Variants in SLC8A1 observed in about 807,000 individuals in gnomAD.
SLC8A1 encodes sodium/calcium exchanger 1.
In SLC8A1, 18 loss-of-function variants were observed where a neutral mutation model predicts 68.3. The ratio of observed to expected loss-of-function variants is 0.26; its 90% CI spans 0.18 to 0.39. The LOEUF is 0.39. Among genes scored for constraint, SLC8A1 ranks in the 10% least tolerant of loss-of-function variants. The pLI is 1.00. For missense variants in SLC8A1, 985 were observed against 1,156.7 expected, an observed-to-expected ratio of 0.85 and a Z score of 2.15; for synonymous variants, 475 against 415.5, an observed-to-expected ratio of 1.14 and a Z score of -1.74.
At chr2:40,139,354 A>T (rs1558496153) in intron 7 of SLC8A1, 47 bp downstream of exon 10, 1 of 1,601,630 alleles carries the variant, frequency 6.2e-7, no homozygotes, top group Admixed American at 1.7e-5. Context: ...CAAGAAGGCA[A>T]ATGAACTTCT....
rs537606589 is a variant in SLC8A1 at position 40,253,176 on chromosome 2, A to T, written c.1809-75321T>A. Among the ~76,000 whole-genome samples, 7 of 142,688 alleles carry T rather than the reference A, an allele frequency of 4.9e-5. No individual in the cohort carries two copies. The East Asian group carries it at 1.2e-3, about 24-fold the overall frequency. 93.6% of individuals were successfully genotyped at this position (142,688 alleles called of 152,430 possible). A position where few individuals can be genotyped will look rare whatever the true frequency, so the allele number is the denominator to read the frequency against. On this transcript the variant is annotated intron_variant, in intron 2 of 7. Coordinates refer to ENST00000406785, the Ensembl canonical transcript of SLC8A1. ...ATACATATATATGTATATACACACA[A>T]ATATACATATATACACGTATATGTA...
chr2:40,282,575 C>T (rs555045536), intron 2 of SLC8A1, among the ~76,000 whole-genome samples: 1 of 152,136 alleles, frequency 6.6e-6, no homozygotes, highest in African/African-American at 2.4e-5. Context: ...ATTTCCTTTC[C>T]GTTAACTGCA....
intron 2 of SLC8A1, among the ~76,000 whole-genome samples, chr2:40,266,705 A>G (rs578142726): frequency 6.6e-6 from 1 of 152,290 alleles, no homozygotes; most frequent in African/African-American, 2.4e-5. Flanking sequence ...TTCTCCATGG[A>G]TCATTGCTCA....
At chr2:40,471,920 A>G (rs901968718) in intron 1 of SLC8A1, among the ~76,000 whole-genome samples, 12 of 152,170 alleles carry the variant, frequency 7.9e-5, no homozygotes, top group African/African-American at 2.9e-4. Context: ...TCCAGCTACA[A>G]TGCATCATCT....
intron 2 of SLC8A1, among the ~76,000 whole-genome samples, chr2:40,360,450 T>C (rs1027238643): frequency 1.3e-5 from 2 of 152,204 alleles, no homozygotes; most frequent in African/African-American, 4.8e-5. Flanking sequence ...GAGCCCTTTA[T>C]CTGTGACAGG....
chr2:40,295,681 G>A (rs948727042), intron 2 of SLC8A1, among the ~76,000 whole-genome samples: 1 of 152,138 alleles, frequency 6.6e-6, no homozygotes, highest in Non-Finnish European at 1.5e-5. Context: ...GAATCATGAA[G>A]TATTGACGCT....
rs1279473365 is a variant in SLC8A1 at position 40,201,252 on chromosome 2, T to G, written c.1809-23397A>C. ...GTCTTATGATTTTCTGTTTTTCAATTTCTTATGTTTTCAATTTCTTGTGAC... is the reference window on the plus strand; with the variant it reads ...GTCTTATGATTTTCTGTTTTTCAATGTCTTATGTTTTCAATTTCTTGTGAC... On this transcript the variant is annotated intron_variant, in intron 2 of 7. Transcript: ENST00000406785. 1.3e-5 allele frequency among the ~76,000 whole-genome samples: 2 copies of G among 151,928 alleles called. 1 individual carries two copies. Among genetic ancestry groups the G allele is most frequent in the East Asian group, 3.9e-4 (2 of 5,168 alleles).
chr2:40,183,018 G>T (rs1205231821), intron 2 of SLC8A1, among the ~76,000 whole-genome samples: 1 of 152,098 alleles, frequency 6.6e-6, no homozygotes, highest in Non-Finnish European at 1.5e-5. Flanking sequence ...GTCTTTTAAG[G>T]TTTACCCTCT....
At chr2:40,155,312 G>T (rs147396890) in intron 6 of SLC8A1, among the ~76,000 whole-genome samples, 2,339 of 152,096 alleles carry the variant, frequency 0.015, 28 homozygotes, top group Non-Finnish European at 0.022. Context: ...TGTATTTTAA[G>T]TAGAGAGGTG....
intron 2 of SLC8A1, among the ~76,000 whole-genome samples, chr2:40,245,247 T>C (rs1458524825): frequency 6.6e-6 from 1 of 152,210 alleles, no homozygotes; most frequent in Non-Finnish European, 1.5e-5. Flanking sequence ...GGTCTCTCTC[T>C]CCCTAGTGAA....
At chr2:40,378,481 C>T (rs1680673414) in intron 2 of SLC8A1, among the ~76,000 whole-genome samples, 1 of 152,110 alleles carries the variant, frequency 6.6e-6, no homozygotes, top group Non-Finnish European at 1.5e-5. Context: ...TGACAGGTAA[C>T]AGGAGGCCAG....
At chr2:40,401,567 C>CAAAAAAAAAAAAAAAA (rs3060361) in intron 2 of SLC8A1, among the ~76,000 whole-genome samples, 3 of 94,094 alleles carry the variant, frequency 3.2e-5, no homozygotes, top group Non-Finnish European at 6.0e-5. Flanking sequence ...ATAGGCCAGT[C>CAAAAAAAAAAAAAAAA]AAAAAAAAAA....
chr2:40,273,127 G>C (rs1385801642), intron 2 of SLC8A1, among the ~76,000 whole-genome samples: 2 of 152,112 alleles, frequency 1.3e-5, no homozygotes, highest in Admixed American at 6.5e-5. Context: ...ATTTTTAGTA[G>C]AGACGGGGTT....
chr2:40,433,783 T>C (rs1032485529), intron 1 of SLC8A1, among the ~76,000 whole-genome samples: 2 of 152,146 alleles, frequency 1.3e-5, no homozygotes, highest in African/African-American at 4.8e-5. Flanking sequence ...CCTGATAGTG[T>C]GTGAAGTAAT....
chr2:40,322,501 TAAAAAAAAAAAA>T lies in SLC8A1; in HGVS notation c.1808+105960_1808+105971del, dbSNP rs10708563. Among the ~76,000 whole-genome samples, 10 of 97,324 alleles carry T rather than the reference TAAAAAAAAAAAA, an allele frequency of 1.0e-4. No individual in the cohort carries two copies. The Admixed American group carries it at 1.1e-3, about 10-fold the overall frequency. The allele number at this position is 97,324 out of a possible 152,430, so 63.8% of individuals were successfully genotyped here. On this transcript the variant is annotated intron_variant, in intron 2 of 7. Coordinates refer to ENST00000406785, the Ensembl canonical transcript of SLC8A1. ...GAGAGACCTCATCTCTACAAAAGGTTAAAAAAAAAAAAAAAAAAAAAAAAATTAGATGGGCAT... is the reference window on the plus strand; with the variant it reads ...GAGAGACCTCATCTCTACAAAAGGTTAAAAAAAAAAAAATTAGATGGGCAT...
At chr2:40,262,245 G>A (rs1186816913) in intron 2 of SLC8A1, among the ~76,000 whole-genome samples, 2 of 152,152 alleles carry the variant, frequency 1.3e-5, no homozygotes, top group Non-Finnish European at 2.9e-5. Context: ...ACAGGCATGA[G>A]CCACCGCACC....
At chr2:40,109,426 T>C (rs2034424753) in exon 8 of SLC8A1, 1 of 152,160 alleles carries the variant, frequency 6.6e-6, no homozygotes, top group Admixed American at 6.5e-5. Context: ...GCATAATAAA[T>C]ATGATTCAAG....
At chr2:40,205,236 T>C (rs1005757594) in intron 2 of SLC8A1, among the ~76,000 whole-genome samples, 21 of 151,986 alleles carry the variant, frequency 1.4e-4, no homozygotes, top group Non-Finnish European at 8.8e-5. Flanking sequence ...ATCATAAATA[T>C]ATAGTTTTCA....
intron 1 of SLC8A1, among the ~76,000 whole-genome samples, chr2:40,482,956 T>G: frequency 8.6e-6 from 1 of 115,846 alleles, no homozygotes; most frequent in South Asian, 2.3e-4. Flanking sequence ...ACGCCCGGCT[T>G]TTTTTTTTTT....
Sources: allele counts gnomAD v4.1 joint callset (sites outside exome capture counted in the v4.1 genomes callset), GRCh38; gene constraint gnomAD v4.1.1; transcripts MANE v1.5; gene names NCBI Gene and HGNC (gene_info 2026-07-23, HGNC 2026-07-21).